PAK1: variants seen among roughly 807,000 people sequenced by gnomAD.
PAK1 encodes the protein serine/threonine-protein kinase PAK 1.
PAK1 carries 29 observed loss-of-function variants against 67.4 expected under a neutral mutation model. That is an observed-to-expected ratio of 0.43 (90% CI 0.32 to 0.59). The LOEUF (loss-of-function observed/expected upper bound fraction) is 0.59. Ranked by LOEUF, PAK1 falls within the 20% of genes least tolerant of loss-of-function variation. The pLI, the probability that PAK1 is intolerant of heterozygous loss-of-function variation, is 0.07. For synonymous variants in PAK1, 223 were observed against 237.4 expected (o/e 0.94, Z 0.56); for missense variants, 337 against 670.7 (o/e 0.50, Z 5.50).
intron 1 of PAK1, among the ~76,000 whole-genome samples, chr11:77,441,623 C>T (rs890760730): frequency 6.6e-6 from 1 of 152,212 alleles, no homozygotes; most frequent in Non-Finnish European, 1.5e-5. Context: ...CCTTGTTATA[C>T]TTAAGGAAAC....
chr11:77,353,499 A>G lies in PAK1; in HGVS notation c.836+37T>C, dbSNP rs775454442. On this transcript the variant is annotated intron_variant, in intron 8 of 14. Transcript: ENST00000356341. The stretch of plus-strand genomic sequence containing the variant: ...ATATATGCCGGCACACACACTTTAA[A>G]GTCATTTCTCCAGGGAAAGAAAATG... 6 of 1,459,608 alleles carry G rather than the reference A, an allele frequency of 4.1e-6. No individual in the cohort carries two copies. The East Asian group carries it at 6.8e-5, about 17-fold the overall frequency. 90.4% of individuals were successfully genotyped at this position (1,459,608 alleles called of 1,614,324 possible). A position where few individuals can be genotyped will look rare whatever the true frequency, so the allele number is the denominator to read the frequency against.
the PAK1 span, among the ~76,000 whole-genome samples, chr11:77,510,397 ATTG>A: frequency 2.0e-5 from 3 of 152,166 alleles, no homozygotes; most frequent in Non-Finnish European, 4.4e-5. Flanking sequence ...TGCCCAGCTA[ATTG>A]TTGTACTTTT....
intron 1 of PAK1, among the ~76,000 whole-genome samples, chr11:77,451,676 T>C (rs1956861889): frequency 7.0e-6 from 1 of 143,446 alleles, no homozygotes. Flanking sequence ...TTCTGCTCAC[T>C]GCAAGCTCCG....
At chr11:77,379,074 G>A (rs1949480917) in intron 4 of PAK1, 167 bp downstream of exon 4, 1 of 613,700 alleles carries the variant, frequency 1.6e-6, no homozygotes, top group East Asian at 2.7e-5. Flanking sequence ...CAAGTTTGAT[G>A]CAAAGTCCAT....
At chr11:77,458,586 T>G (rs778862934) in intron 1 of PAK1, among the ~76,000 whole-genome samples, 1 of 152,234 alleles carries the variant, frequency 6.6e-6, no homozygotes, top group African/African-American at 2.4e-5. Context: ...AGAATCCACT[T>G]GCATTACATT....
At chr11:77,349,960 C>T (rs142595777) in intron 8 of PAK1, among the ~76,000 whole-genome samples, 22 of 152,090 alleles carry the variant, frequency 1.4e-4, no homozygotes, top group African/African-American at 4.8e-4. Context: ...GTTACATAGG[C>T]GTGTTCACTT....
At chr11:77,477,567 C>CAAAAA (rs61075974), upstream of PAK1, among the ~76,000 whole-genome samples, 14 of 84,162 alleles carry the variant, frequency 1.7e-4, no homozygotes, top group African/African-American at 6.8e-4. Flanking sequence ...ACCATCTCTA[C>CAAAAA]AAAAAAAAAA....
chr11:77,516,469 A>G, the PAK1 span, among the ~76,000 whole-genome samples: 2 of 152,164 alleles, frequency 1.3e-5, no homozygotes, highest in African/African-American at 4.8e-5. Flanking sequence ...ATAAGTTAGT[A>G]TATGTAAAAT....
the PAK1 span, among the ~76,000 whole-genome samples, chr11:77,528,196 A>G: frequency 6.6e-6 from 1 of 152,148 alleles, no homozygotes; most frequent in African/African-American, 2.4e-5. Context: ...CAATATTTCA[A>G]TCTCTAAAAA....
chr11:77,468,453 T>C (rs1389015503), intron 1 of PAK1, among the ~76,000 whole-genome samples: 1 of 152,128 alleles, frequency 6.6e-6, no homozygotes, highest in African/African-American at 2.4e-5. Context: ...AAGATATTCA[T>C]GAAAGAAAAG....
At chr11:77,517,340 T>C in the PAK1 span, among the ~76,000 whole-genome samples, 3 of 152,194 alleles carry the variant, frequency 2.0e-5, no homozygotes, top group Non-Finnish European at 4.4e-5. Context: ...GTCAAAGAAA[T>C]GATGTAATCT....
intron 13 of PAK1, among the ~76,000 whole-genome samples, chr11:77,334,537 C>G (rs1468118668): frequency 6.6e-6 from 1 of 152,212 alleles, no homozygotes; most frequent in Non-Finnish European, 1.5e-5. Context: ...TTTGCCCACA[C>G]CAAGATTACC....
At chr11:77,344,334 G>C (rs972242573) in intron 9 of PAK1, among the ~76,000 whole-genome samples, 1 of 152,104 alleles carries the variant, frequency 6.6e-6, no homozygotes, top group Admixed American at 6.5e-5. Context: ...CATAAAATAC[G>C]GCAAAAGCCA....
At chr11:77,499,479 T>C in the PAK1 span, among the ~76,000 whole-genome samples, 1 of 152,316 alleles carries the variant, frequency 6.6e-6, no homozygotes, top group East Asian at 1.9e-4. Flanking sequence ...ACTCAAGCTG[T>C]TCCCTCATCC....
intron 1 of PAK1, among the ~76,000 whole-genome samples, chr11:77,402,917 C>T (rs1952912720): frequency 6.6e-6 from 1 of 152,146 alleles, no homozygotes; most frequent in Non-Finnish European, 1.5e-5. Flanking sequence ...CCAAACTTTT[C>T]TGTGAACCCT....
intron 13 of PAK1, among the ~76,000 whole-genome samples, chr11:77,333,194 CTTTTT>C (rs886805892): frequency 1.6e-5 from 2 of 127,150 alleles, no homozygotes; most frequent in East Asian, 4.2e-4. Flanking sequence ...TCTTCTTCTT[CTTTTT>C]TTTTTTTTTT....
chr11:77,459,846 G>C (rs1565718240), intron 1 of PAK1, among the ~76,000 whole-genome samples: 1 of 151,976 alleles, frequency 6.6e-6, no homozygotes, highest in African/African-American at 2.4e-5. Flanking sequence ...ACAGGCGCCC[G>C]CCACCGCGCC....
In PAK1 at chr11:77,405,088, T is replaced by A. The variant is rs144366915; in HGVS notation, c.-21-12547A>T. ...CTCATTTAAATGAGACAGCAAATCA[T>A]AGTAATATCTGGAAAAGCATTTTAA... On this transcript the variant is annotated intron_variant, in intron 1 of 14. Coordinates refer to ENST00000356341, the MANE Select transcript of PAK1 (RefSeq NM_002576.5). Among the ~76,000 whole-genome samples the A allele has an allele frequency of 6.6e-5, 10 of 152,308 alleles. No homozygotes were observed. The East Asian group carries it at 1.9e-3, about 29-fold the overall frequency.
rs1159111211 is a variant in PAK1 at position 77,332,742 on chromosome 11, T to C, written c.1539A>G (p.Lys513=). Residue 513 remains lysine, a synonymous_variant, in exon 14 of 15, where the codon AAA becomes AAG. Coordinates refer to ENST00000356341, the MANE Select transcript of PAK1 (RefSeq NM_002576.5). ...TAAGGACAGTTACCTGTAGCAGCTCTTTAGCTGAACCTCTCTTCTCCACAT... is the reference window on the plus strand; with the variant it reads ...TAAGGACAGTTACCTGTAGCAGCTCCTTAGCTGAACCTCTCTTCTCCACAT... The part of the protein sequence containing the change: ...EMDVEKRGSA[K]ELLQHQFLKI... 1 of 1,613,738 alleles carries C rather than the reference T, an allele frequency of 6.2e-7. No homozygotes were observed. The highest frequency in any genetic ancestry group is 8.5e-7 in the Non-Finnish European group (1 of 1,179,786).
Sources: gnomAD v4.1 joint callset for allele counts (sites outside exome capture counted in the v4.1 genomes callset) on GRCh38, gnomAD v4.1.1 for gene constraint, MANE v1.5 for transcripts, NCBI Gene and HGNC (gene_info 2026-07-23, HGNC 2026-07-21) for gene names.